The following EPHA5 variants were observed in gnomAD, a reference collection of about 807,000 sequenced individuals.
EPHA5 encodes EPH receptor A5.
In EPHA5, 60 loss-of-function variants were observed where a neutral mutation model predicts 105.0. That is an observed-to-expected ratio of 0.57 (90% confidence interval 0.46 to 0.71). The LOEUF is 0.71. EPHA5 is among the 30% of genes least tolerant of loss of function. EPHA5 has a pLI of 0.00. For synonymous variants in EPHA5, 513 were observed against 449.1 expected, an observed-to-expected ratio of 1.14 and a Z score of -1.80; for missense variants, 1,218 against 1,274.7, an observed-to-expected ratio of 0.96 and a Z score of 0.68.
chr4:65,537,566 A>T (rs1240681691), intron 3 of EPHA5, among the ~76,000 whole-genome samples: 1 of 151,666 alleles, frequency 6.6e-6, no homozygotes, highest in Non-Finnish European at 1.5e-5. Flanking sequence ...GTTTAGAACC[A>T]TTTCCTACTT....
intron 5 of EPHA5, among the ~76,000 whole-genome samples, chr4:65,483,243 C>T (rs1005683684): frequency 1.3e-5 from 2 of 152,192 alleles, no homozygotes; most frequent in African/African-American, 4.8e-5. Flanking sequence ...GCCACATTTT[C>T]TTAATCCAGT....
At chr4:65,588,203 C>T (rs192467023) in intron 3 of EPHA5, among the ~76,000 whole-genome samples, 148 of 152,224 alleles carry the variant, frequency 9.7e-4, no homozygotes, top group African/African-American at 3.5e-3. Context: ...AGACACATAG[C>T]AGCTTTTTGC....
At chr4:65,535,608 A>G (rs992325366) in intron 3 of EPHA5, among the ~76,000 whole-genome samples, 1 of 152,166 alleles carries the variant, frequency 6.6e-6, no homozygotes, top group Non-Finnish European at 1.5e-5. Flanking sequence ...TCACACTATT[A>G]AGATGCTGTT....
chr4:65,374,442 C>A (rs947010379), intron 8 of EPHA5, among the ~76,000 whole-genome samples: 5 of 151,870 alleles, frequency 3.3e-5, no homozygotes, highest in Admixed American at 6.6e-5. Flanking sequence ...ATAAATGGCA[C>A]ACCATGTATT....
intron 8 of EPHA5, among the ~76,000 whole-genome samples, chr4:65,395,941 C>T (rs749096079): frequency 6.6e-6 from 1 of 152,164 alleles, no homozygotes; most frequent in Admixed American, 6.5e-5. Context: ...CTCTATGGAG[C>T]CAGCAGAAGA....
intron 11 of EPHA5, among the ~76,000 whole-genome samples, chr4:65,364,405 C>T (rs181028696): frequency 5.2e-4 from 79 of 151,686 alleles, no homozygotes; most frequent in African/African-American, 1.8e-3. Flanking sequence ...GCAAGGCTCA[C>T]CATGCTAACA....
intron 5 of EPHA5, among the ~76,000 whole-genome samples, chr4:65,483,074 T>C (rs1730538248): frequency 6.6e-6 from 1 of 152,090 alleles, no homozygotes. Context: ...AGTGTTCTCA[T>C]TGTTCAATTC....
intron 11 of EPHA5, among the ~76,000 whole-genome samples, chr4:65,357,249 C>A (rs1723388250): frequency 1.3e-5 from 2 of 151,374 alleles, no homozygotes; most frequent in South Asian, 4.1e-4. Context: ...GCAAGTAAGG[C>A]TCAGAAAGGT....
chr4:65,594,880 TAGG>T (rs1743015978), intron 3 of EPHA5, among the ~76,000 whole-genome samples: 2 of 152,188 alleles, frequency 1.3e-5, no homozygotes, highest in African/African-American at 2.4e-5. Context: ...AGATATTTAT[TAGG>T]AGTTTTCTGT....
At chr4:65,583,185 T>C (rs1183227353) in intron 3 of EPHA5, among the ~76,000 whole-genome samples, 1 of 151,566 alleles carries the variant, frequency 6.6e-6, no homozygotes, top group African/African-American at 2.4e-5. Context: ...GAGTTTATAT[T>C]CTAAGGAGAG....
chr4:65,466,930 C>G (rs997834486), intron 5 of EPHA5, among the ~76,000 whole-genome samples: 9 of 152,198 alleles, frequency 5.9e-5, no homozygotes, highest in African/African-American at 2.2e-4. Flanking sequence ...AGCCACCCCA[C>G]TGCACTTGAG....
chr4:65,440,825 C>T (rs1309635701), intron 5 of EPHA5, among the ~76,000 whole-genome samples: 1 of 151,904 alleles, frequency 6.6e-6, no homozygotes. Flanking sequence ...TTTAGTGGCC[C>T]ATCTCCCTAT....
At chr4:65,558,927 G>A (rs1452072751) in intron 3 of EPHA5, among the ~76,000 whole-genome samples, 3 of 152,018 alleles carry the variant, frequency 2.0e-5, no homozygotes, top group Non-Finnish European at 4.4e-5. Context: ...TTTTTAAAGT[G>A]ATTTTTTAAA....
At position 65,626,100 on chromosome 4, in the gene EPHA5, C is replaced by CAA. The variant is rs11304193; in HGVS notation, c.246+17261_246+17262dup. On this transcript the variant is annotated intron_variant, in intron 2 of 16. Coordinates refer to ENST00000613740, the MANE Select transcript of EPHA5 (RefSeq NM_001281766.3). ...TGGGTGACAGAGCGACACTCCGTCT[C>CAA]AAAAAAAAAAAAAAAAATGCACTTT... Among the ~76,000 whole-genome samples the CAA allele has an allele frequency of 2.3e-3, 308 of 131,538 alleles. 2 individuals carry two copies. Among genetic ancestry groups the CAA allele is most frequent in the Non-Finnish European group, 3.1e-3 (195 of 62,770 alleles). The allele number at this position is 131,538 out of a possible 152,430, so 86.3% of individuals were successfully genotyped here. A position where few individuals can be genotyped will look rare whatever the true frequency, so the allele number is the denominator to read the frequency against.
At chr4:65,638,956 C>T (rs1480174376) in intron 2 of EPHA5, among the ~76,000 whole-genome samples, 7 of 152,278 alleles carry the variant, frequency 4.6e-5, no homozygotes, top group African/African-American at 1.7e-4. Flanking sequence ...GCAAATCATA[C>T]TTGAATTTGA....
intron 5 of EPHA5, among the ~76,000 whole-genome samples, chr4:65,441,506 T>C (rs1241472716): frequency 6.6e-6 from 1 of 151,920 alleles, no homozygotes; most frequent in African/African-American, 2.4e-5. Flanking sequence ...CTGGTATTAC[T>C]TATGATAGGA....
chr4:65,432,738 AT>A (rs1725101021), intron 5 of EPHA5, among the ~76,000 whole-genome samples: 1 of 151,768 alleles, frequency 6.6e-6, no homozygotes, highest in Non-Finnish European at 1.5e-5. Context: ...CAGCTAGTTT[AT>A]TTATTTATTT....
intron 7 of EPHA5, among the ~76,000 whole-genome samples, chr4:65,411,886 A>C (rs1302552970): frequency 6.6e-6 from 1 of 152,196 alleles, no homozygotes; most frequent in Admixed American, 6.5e-5. Context: ...TTGAGCTAAA[A>C]AGAAACCCTT....
In EPHA5 at chr4:65,495,450, G is replaced by C. The variant is rs1212449572; in HGVS notation, c.1004C>G (p.Ser335Cys). ...GAAATAATCCTTTTCACAGACACAAGAGGTTGAAGCTTCCTCATGGGTATA... is the reference window on the plus strand; with the variant it reads ...GAAATAATCCTTTTCACAGACACAACAGGTTGAAGCTTCCTCATGGGTATA... ...HSYTHEEAST[S>C]CVCEKDYFRR... The change falls in exon 4 of 17, where the codon TCT (serine) becomes TGT (cysteine). Residue 335 changes from serine (S) to cysteine (C), a missense_variant. Physicochemically the swap from Ser to Cys is moderately radical, Grantham distance 112 (BLOSUM62 -1). This residue lies in a region of EPHA5 where 971 missense variants were observed against 1,013.5 expected (regional missense o/e 0.96). Transcript: ENST00000613740. 6.2e-7 allele frequency: 1 copy of C among 1,613,804 alleles called. No individual in the cohort carries two copies.
Sources: allele counts gnomAD v4.1 joint callset (sites outside exome capture counted in the v4.1 genomes callset), GRCh38; gene constraint gnomAD v4.1.1; regional missense constraint gnomAD v4.1.1; transcripts MANE v1.5; gene names NCBI Gene and HGNC (gene_info 2026-07-23, HGNC 2026-07-21).